The following KLHL5 variants were observed in gnomAD, a reference collection of about 807,000 sequenced individuals.
KLHL5 encodes the protein kelch-like protein 5.
In KLHL5, 48 loss-of-function variants were observed where a neutral mutation model predicts 77.7. That is an observed-to-expected ratio of 0.62 (90% CI 0.49 to 0.79). KLHL5 has a LOEUF of 0.79. Among genes scored for constraint, KLHL5 ranks in the 30% least tolerant of loss-of-function variants. KLHL5 has a pLI of 0.00. For synonymous variants in KLHL5, 260 were observed against 297.0 expected, an observed-to-expected ratio of 0.88 and a Z score of 1.28; for missense variants, 723 against 859.7, an observed-to-expected ratio of 0.84 and a Z score of 1.99.
Position 39,122,819 on chromosome 4 carries a change from AT to A in KLHL5, c.*1754del, listed in dbSNP as rs1243413506. The stretch of plus-strand genomic sequence containing the variant: ...CAGAGCGAGACTCCATCAAAAAAAA[AT>A]AAATAAAAAAAAAATAAAAGATTTC... On this transcript the variant is annotated 3_prime_UTR_variant, in exon 11 of 11. Transcript: ENST00000504108. 2.0e-5 allele frequency among the ~76,000 whole-genome samples: 3 copies of A among 151,874 alleles called. No individual in the cohort carries two copies. The highest frequency in any genetic ancestry group is 3.9e-4 in the East Asian group (2 of 5,176).
At chr4:39,102,487 C>T (rs996679032) in intron 6 of KLHL5, among the ~76,000 whole-genome samples, 2 of 138,174 alleles carry the variant, frequency 1.4e-5, no homozygotes, top group South Asian at 2.5e-4. Flanking sequence ...GTACTTACCC[C>T]GCCCTTGCTT....
intron 9 of KLHL5, 48 bp downstream of exon 9, chr4:39,113,280 T>C: frequency 7.0e-7 from 1 of 1,423,130 alleles, no homozygotes; most frequent in South Asian, 1.2e-5. Flanking sequence ...TATATATAAG[T>C]CTCTGATACT....
chr4:39,107,685 A>G lies in KLHL5; in HGVS notation c.1642A>G (p.Met548Val). ...QARQWNFVAT[M>V]STPRSTVGVA... ...TCGCCAGTGGAATTTTGTTGCCACT[A>G]TGTCTACCCCTAGGAGTACAGTAGG... The change falls in exon 8 of 11, where the codon ATG becomes GTG. Residue 548 changes from methionine (M) to valine (V), a missense_variant. Met to Val is a conservative substitution (Grantham distance 21). Around this residue, in one of 3 missense-constraint regions of KLHL5, gnomAD observed 214 missense variants for 237.4 expected, o/e 0.90. Coordinates refer to ENST00000504108, the MANE Select transcript of KLHL5 (RefSeq NM_015990.5). The G allele has an allele frequency of 5.0e-6, 8 of 1,613,130 alleles. No individual in the cohort carries two copies. Among genetic ancestry groups the G allele is most frequent in the East Asian group, 2.2e-5 (1 of 44,866 alleles).
chr4:39,092,879 A>C (rs752137662), intron 5 of KLHL5, among the ~76,000 whole-genome samples: 7 of 152,210 alleles, frequency 4.6e-5, no homozygotes, highest in Non-Finnish European at 8.8e-5. Context: ...ATGTGCAAAA[A>C]CAGGAACCCT....
At chr4:39,103,217 C>T in intron 6 of KLHL5, 70 bp from the exon 7 acceptor site, 2 of 1,114,930 alleles carry the variant, frequency 1.8e-6, no homozygotes, top group Admixed American at 4.4e-5. Context: ...ATTTTTGTAT[C>T]TGTAATTTCA....
intron 8 of KLHL5, among the ~76,000 whole-genome samples, chr4:39,108,627 T>A (rs901631181): frequency 6.6e-6 from 1 of 152,188 alleles, no homozygotes; most frequent in Admixed American, 6.5e-5. Flanking sequence ...ACTTTTTAGA[T>A]GTTTTTTATC....
rs981021232 is a variant in KLHL5 at position 39,124,344 on chromosome 4, G to A, written c.*3278G>A. Among the ~76,000 whole-genome samples, 6 of 152,058 alleles carry A rather than the reference G, an allele frequency of 3.9e-5. No homozygotes were observed. Among genetic ancestry groups the A allele is most frequent in the Admixed American group, 1.3e-4 (2 of 15,278 alleles). On this transcript the variant is annotated 3_prime_UTR_variant, in exon 11 of 11. Transcript: ENST00000504108. ...TATATGGGATTGCAAGTTACTGAAGGTACTCAAGTCTGTTCAAAACAATCT... is the reference window on the plus strand; with the variant it reads ...TATATGGGATTGCAAGTTACTGAAGATACTCAAGTCTGTTCAAAACAATCT...
At chr4:39,104,899 G>T (rs1431416983) in intron 7 of KLHL5, among the ~76,000 whole-genome samples, 1 of 151,730 alleles carries the variant, frequency 6.6e-6, no homozygotes, top group Admixed American at 6.6e-5. Flanking sequence ...CCTAGTAGCT[G>T]GGACTACAGG....
intron 7 of KLHL5, among the ~76,000 whole-genome samples, chr4:39,103,906 C>T (rs1366727008): frequency 1.4e-5 from 2 of 141,542 alleles, no homozygotes; most frequent in African/African-American, 2.6e-5. Flanking sequence ...TCATTTGAGC[C>T]TGGGAGGTCA....
the KLHL5 span, among the ~76,000 whole-genome samples, chr4:39,132,003 C>G: frequency 6.6e-6 from 1 of 152,194 alleles, no homozygotes; most frequent in East Asian, 1.9e-4. Flanking sequence ...AAAAATTCCC[C>G]TTCGGTTCTG....
At chr4:39,094,267 T>C (rs1350168405) in intron 5 of KLHL5, among the ~76,000 whole-genome samples, 1 of 151,874 alleles carries the variant, frequency 6.6e-6, no homozygotes, top group African/African-American at 2.4e-5. Context: ...TGAAATAAAC[T>C]TTTAAAACCC....
upstream of KLHL5, among the ~76,000 whole-genome samples, chr4:39,060,899 C>T (rs575400429): frequency 6.6e-6 from 1 of 152,288 alleles, no homozygotes; most frequent in African/African-American, 2.4e-5. Flanking sequence ...CATTTTATCT[C>T]ATCGTATTCA....
intron 6 of KLHL5, among the ~76,000 whole-genome samples, chr4:39,101,857 A>ATATATAT (rs1553892980): frequency 1.6e-5 from 2 of 122,744 alleles, no homozygotes; most frequent in East Asian, 2.7e-4. Flanking sequence ...AAAAAAAAAA[A>ATATATAT]AAATATATAT....
chr4:39,069,510 T>A (rs1577658206), intron 1 of KLHL5, among the ~76,000 whole-genome samples: 2 of 133,770 alleles, frequency 1.5e-5, no homozygotes, highest in Admixed American at 7.6e-5. Flanking sequence ...ACATACATAT[T>A]TATACTATTT....
rs370189728 is a variant in KLHL5 at position 39,072,447 on chromosome 4, G to T, written c.384-3518G>T. Among the ~76,000 whole-genome samples the T allele has an allele frequency of 1.7e-4, 26 of 152,256 alleles. No homozygotes were observed. The South Asian group carries it at 5.4e-3, about 32-fold the overall frequency. On this transcript the variant is annotated intron_variant, in intron 1 of 10. Transcript: ENST00000504108. ...GTGACAGAGTGAGAGTTGAACCGAG[G>T]TCTATAGGACTCTAGACCAGCACTG...
rs532813151 is a variant in KLHL5, at chr4:39,080,398, C to T, written c.567-705C>T. On this transcript the variant is annotated intron_variant, in intron 2 of 10. Transcript: ENST00000504108. ...AAAAATTAGCTGGACATGGTAGTCA[C>T]GTCTGTAATCCCAGCTACTCAGGAG... 4.0e-5 allele frequency among the ~76,000 whole-genome samples: 6 copies of T among 151,834 alleles called. No homozygotes were observed. In the East Asian group the frequency reaches 7.8e-4, roughly 20 times the overall value.
intron 1 of KLHL5, among the ~76,000 whole-genome samples, chr4:39,054,063 T>C (rs1290667680): frequency 6.6e-6 from 1 of 152,248 alleles, no homozygotes; most frequent in Non-Finnish European, 1.5e-5. Context: ...CCCTCCCCGC[T>C]GCCTTTTGTG....
rs1278586686 is a variant in KLHL5, at chr4:39,081,226, G to A, written c.690G>A (p.Gln230=). ...VEPNSLWSLI[Q]YAYTGRLELK... ...CAAATTCGTTGTGGTCCTTGATCCA[G>A]TATGCTTATACAGGTAACGAGTCTG... The change falls in exon 3 of 11, where the codon CAG becomes CAA. Residue 230 remains glutamine (Q), a synonymous_variant. Transcript: ENST00000504108. This position sits in a 1 kb window ranked among gnomAD's most constrained non-coding sequence, Gnocchi z 4.3. 1 of 1,612,010 alleles carries A rather than the reference G, an allele frequency of 6.2e-7. No homozygotes were observed. Among genetic ancestry groups the A allele is most frequent in the Non-Finnish European group, 8.5e-7 (1 of 1,179,110 alleles).
chr4:39,116,081 C>T lies in KLHL5; in HGVS notation c.2073+751C>T, dbSNP rs374319710. On this transcript the variant is annotated intron_variant, in intron 10 of 10. Transcript: ENST00000504108. ...GGCATGGTGGCTTATGCCTATAATC[C>T]CAGCACTTTGGGAGGCTGAGGCGGG... 13 of 969,218 alleles carry T rather than the reference C, an allele frequency of 1.3e-5. No individual in the cohort carries two copies. In the African/African-American group the frequency reaches 1.9e-4, roughly 14 times the overall value. The allele number at this position is 969,218 out of a possible 1,614,324, so 60.0% of individuals were successfully genotyped here. A position where few individuals can be genotyped will look rare whatever the true frequency, so the allele number is the denominator to read the frequency against.
Sources: gnomAD v4.1 joint callset for allele counts (sites outside exome capture counted in the v4.1 genomes callset) on GRCh38, gnomAD v4.1.1 for gene constraint, gnomAD v4.1.1 regional missense constraint, Gnocchi (gnomAD v3.1) non-coding constraint, MANE v1.5 for transcripts, NCBI Gene and HGNC (gene_info 2026-07-23, HGNC 2026-07-21) for gene names.